The following SLC38A3 variants were observed in gnomAD, a reference collection of about 807,000 sequenced individuals.
The protein encoded by SLC38A3 is solute carrier family 38 member 3, also known as sodium-coupled neutral amino acid transporter 3.
A neutral mutation model predicts 59.5 loss-of-function variants in SLC38A3; 17 were observed. The ratio of observed to expected loss-of-function variants is 0.29; its 90% confidence interval spans 0.20 to 0.43. The LOEUF is 0.43. Among genes scored for constraint, SLC38A3 ranks in the 20% least tolerant of loss-of-function variants. The probability of loss-of-function intolerance (pLI) is 1.00; values close to 1 mark genes in which losing one functional copy is unlikely to be tolerated. For missense variants in SLC38A3, 454 were observed against 653.9 expected, an observed-to-expected ratio of 0.69 and a Z score of 3.33; for synonymous variants, 238 against 260.3, an observed-to-expected ratio of 0.91 and a Z score of 0.82.
chr3:50,215,695 G>C lies in SLC38A3; in HGVS notation c.467-45G>C. On this transcript the variant is annotated intron_variant, in intron 6 of 15. Transcript: ENST00000614032. This position sits in a 1 kb window ranked among gnomAD's most constrained non-coding sequence, Gnocchi z 7.1. ...GGTGGACAGCCCTGAAAGCTGGCTGGTTGGGCTGACCTCAGCGCCTGCCTG... is the reference window on the plus strand; with the variant it reads ...GGTGGACAGCCCTGAAAGCTGGCTGCTTGGGCTGACCTCAGCGCCTGCCTG... 6.2e-7 allele frequency: 1 copy of C among 1,610,006 alleles called. No individual in the cohort carries two copies. The highest frequency in any genetic ancestry group is 8.5e-7 in the Non-Finnish European group (1 of 1,177,636).
Position 50,214,580 on chromosome 3 carries a change from C to G in SLC38A3, c.184-73C>G, listed in dbSNP as rs558686936. 1.4e-6 allele frequency: 2 copies of G among 1,462,770 alleles called. No homozygotes were observed. Among genetic ancestry groups the G allele is most frequent in the Admixed American group, 3.9e-5 (2 of 51,610 alleles). The allele number at this position is 1,462,770 out of a possible 1,614,324, so 90.6% of individuals were successfully genotyped here. ...CAGCAGTGGGAGGCTGAGGGACAGT[C>G]AGGGGAAGGCTGCGATGCCCCTGTC... On this transcript the variant is annotated intron_variant, in intron 3 of 15. Transcript: ENST00000614032. This position sits in a 1 kb window ranked among gnomAD's most constrained non-coding sequence, Gnocchi z 6.0.
rs1156903724 is a variant in SLC38A3 at position 50,215,312 on chromosome 3, A to G, written c.300-74A>G. On this transcript the variant is annotated intron_variant, in intron 4 of 15. Transcript: ENST00000614032. This position sits in a 1 kb window ranked among gnomAD's most constrained non-coding sequence, Gnocchi z 7.1. ...GACCCTCCACCCCCAGGCCTCCCAG[A>G]GCCCCTCACCCTCTGCCAGCCACGG... The G allele has an allele frequency of 7.3e-7, 1 of 1,374,262 alleles. No individual in the cohort carries two copies. Among genetic ancestry groups the G allele is most frequent in the African/African-American group, 1.4e-5 (1 of 69,886 alleles). 85.1% of individuals were successfully genotyped at this position (1,374,262 alleles called of 1,614,324 possible).
rs1343890478 is a variant in SLC38A3 at position 50,214,978 on chromosome 3, C to T, written c.299+210C>T. 5.0e-6 allele frequency: 3 copies of T among 601,032 alleles called. No homozygotes were observed. Among genetic ancestry groups the T allele is most frequent in the South Asian group, 4.0e-5 (2 of 49,972 alleles). The allele number at this position is 601,032 out of a possible 1,614,324, so 37.2% of individuals were successfully genotyped here. A position where few individuals can be genotyped will look rare whatever the true frequency, so the allele number is the denominator to read the frequency against. ...AACCGACTGAGGTCACAACACAGGC[C>T]GGTCTTACAGGCCAGAGACTGTCCT... On this transcript the variant is annotated intron_variant, in intron 4 of 15. Transcript: ENST00000614032. This position sits in a 1 kb window ranked among gnomAD's most constrained non-coding sequence, Gnocchi z 6.0.
chr3:50,218,958 T>C lies in SLC38A3; in HGVS notation c.1306+10T>C, dbSNP rs778590683. ...ATCTTTGGGGTCATCGGTGAGGGTCTGGCCCTGCTGTGGAAGCAGGGTATT... is the reference window on the plus strand; with the variant it reads ...ATCTTTGGGGTCATCGGTGAGGGTCCGGCCCTGCTGTGGAAGCAGGGTATT... On this transcript the variant is annotated intron_variant, in intron 14 of 15. Transcript: ENST00000614032. This position sits in a 1 kb window ranked among gnomAD's most constrained non-coding sequence, Gnocchi z 5.8. 2 of 1,601,608 alleles carry C rather than the reference T, an allele frequency of 1.2e-6. No homozygotes were observed. The highest frequency in any genetic ancestry group is 1.7e-6 in the Non-Finnish European group (2 of 1,169,844).
In SLC38A3 at chr3:50,218,479, C is replaced by T. The variant is rs1316400735; in HGVS notation, c.1036+109C>T. On this transcript the variant is annotated intron_variant, in intron 12 of 15. Coordinates refer to ENST00000614032, the MANE Select transcript of SLC38A3 (RefSeq NM_006841.6). The surrounding 1 kb of genome is among the most constrained non-coding windows in gnomAD (Gnocchi z 5.8). ...CGTGTGGTGCCTGGCTGTGCCTTGC[C>T]GCTGTGGAGGTGAGTCTGCATGCCA... 1.9e-6 allele frequency: 3 copies of T among 1,562,160 alleles called. No individual in the cohort carries two copies. Among genetic ancestry groups the T allele is most frequent in the South Asian group, 1.1e-5 (1 of 89,456 alleles).
At chr3:50,209,715 A>G (rs13084362) in intron 1 of SLC38A3, among the ~76,000 whole-genome samples, 1 of 151,840 alleles carries the variant, frequency 6.6e-6, no homozygotes, top group Non-Finnish European at 1.5e-5. Context: ...TTCCGGCCCC[A>G]GCTGGGTCTC....
intron 14 of SLC38A3, among the ~76,000 whole-genome samples, 159 bp from the exon 15 acceptor site, chr3:50,219,722 G>A (rs1699869815): frequency 6.6e-6 from 1 of 152,226 alleles, no homozygotes; most frequent in African/African-American, 2.4e-5. Flanking sequence ...GGAGAACAAG[G>A]GGGAGAGGCT....
At position 50,220,298 on chromosome 3, in the gene SLC38A3, A is replaced by C. The variant is rs1699879657; in HGVS notation, c.*121A>C. ...AGACGCGATTAACACTGTGGCATTC[A>C]GCCAGGCCCCATGTCCTCTCTGTGG... On this transcript the variant is annotated 3_prime_UTR_variant, in exon 16 of 16. Transcript: ENST00000614032. 2 of 769,862 alleles carry C rather than the reference A, an allele frequency of 2.6e-6. No individual in the cohort carries two copies. The highest frequency in any genetic ancestry group is 4.3e-6 in the Non-Finnish European group (2 of 464,388). The allele number at this position is 769,862 out of a possible 1,614,324, so 47.7% of individuals were successfully genotyped here.
intron 1 of SLC38A3, among the ~76,000 whole-genome samples, chr3:50,206,296 G>A (rs1033314687): frequency 6.6e-6 from 1 of 152,270 alleles, no homozygotes; most frequent in African/African-American, 2.4e-5. Flanking sequence ...AGGCTCTTGA[G>A]CCCTGAGGAA....
At chr3:50,205,554 C>G (rs1314590583) in intron 1 of SLC38A3, among the ~76,000 whole-genome samples, 20 of 152,388 alleles carry the variant, frequency 1.3e-4, no homozygotes, top group Non-Finnish European at 2.9e-4. Context: ...CAGCGCCGAG[C>G]TTAAGCAGGG....
chr3:50,220,183 C>A lies in SLC38A3; in HGVS notation c.*6C>A, dbSNP rs779166796. 1.3e-5 allele frequency: 20 copies of A among 1,571,588 alleles called. No homozygotes were observed. The highest frequency in any genetic ancestry group is 1.7e-5 in the Non-Finnish European group (20 of 1,155,238). On this transcript the variant is annotated 3_prime_UTR_variant, in exon 16 of 16. Transcript: ENST00000614032. ...GGCATGGAGGAAACCACTAGGGTGA[C>A]CCTCATCCTGTTCTGTCTACTCACC...
chr3:50,214,330 G>T lies in SLC38A3; in HGVS notation c.101+30G>T. 3 of 1,611,922 alleles carry T rather than the reference G, an allele frequency of 1.9e-6. No individual in the cohort carries two copies. The highest frequency in any genetic ancestry group is 1.7e-6 in the Non-Finnish European group (2 of 1,178,470). On this transcript the variant is annotated intron_variant, in intron 2 of 15. Coordinates refer to ENST00000614032, the MANE Select transcript of SLC38A3 (RefSeq NM_006841.6). This position sits in a 1 kb window ranked among gnomAD's most constrained non-coding sequence, Gnocchi z 6.0. ...GTACCAGAGGGACCCAGTGGTGGCT[G>T]AAGACAGGGCAGGGCAGGGATACAG...
intron 1 of SLC38A3, among the ~76,000 whole-genome samples, chr3:50,212,442 G>A (rs2109152457): frequency 6.6e-6 from 1 of 152,328 alleles, no homozygotes; most frequent in South Asian, 2.1e-4. Context: ...AGGGGCATGA[G>A]GACATGTGGA....
intron 1 of SLC38A3, among the ~76,000 whole-genome samples, chr3:50,212,942 C>G (rs1298073001): frequency 6.6e-6 from 1 of 152,056 alleles, no homozygotes; most frequent in African/African-American, 2.4e-5. Flanking sequence ...AGGGCTGCCC[C>G]CCTCACTGGT....
At chr3:50,210,890 C>T (rs1699716653) in intron 1 of SLC38A3, among the ~76,000 whole-genome samples, 1 of 149,484 alleles carries the variant, frequency 6.7e-6, no homozygotes, top group African/African-American at 2.5e-5. Context: ...ACCGTGATCT[C>T]CCCACCCTAG....
At chr3:50,209,375 G>A (rs188819362) in intron 1 of SLC38A3, among the ~76,000 whole-genome samples, 6 of 152,308 alleles carry the variant, frequency 3.9e-5, no homozygotes, top group East Asian at 1.9e-4. Flanking sequence ...ATGGCCGGGC[G>A]CAGTGGCTCA....
intron 1 of SLC38A3, among the ~76,000 whole-genome samples, chr3:50,205,674 T>C (rs1053975871): frequency 2.0e-5 from 3 of 152,074 alleles, no homozygotes; most frequent in Admixed American, 6.5e-5. Flanking sequence ...GGACGCCTTG[T>C]TGGGGGCTCG....
intron 1 of SLC38A3, among the ~76,000 whole-genome samples, chr3:50,208,538 C>T (rs1057480068): frequency 6.6e-6 from 1 of 152,234 alleles, no homozygotes; most frequent in African/African-American, 2.4e-5. Flanking sequence ...GCTGGGATTA[C>T]AGGCGTGAGC....
rs368972568 is a variant in SLC38A3, at chr3:50,218,253, C to G, written c.936-17C>G. On this transcript the variant is annotated splice_polypyrimidine_tract_variant and intron_variant, in intron 11 of 15. Coordinates refer to ENST00000614032, the MANE Select transcript of SLC38A3 (RefSeq NM_006841.6). The surrounding 1 kb of genome is among the most constrained non-coding windows in gnomAD (Gnocchi z 5.8). Reference sequence around the variant, plus strand: ...ACCCAGCTTGTCACCAACACCCACCCCCCCACTTCCCCACAGCCCCTCCAA... The same window carrying G: ...ACCCAGCTTGTCACCAACACCCACCGCCCCACTTCCCCACAGCCCCTCCAA... The G allele has an allele frequency of 1.3e-6, 2 of 1,499,894 alleles. No homozygotes were observed. The highest frequency in any genetic ancestry group is 2.7e-5 in the African/African-American group (2 of 72,790). 92.9% of individuals were successfully genotyped at this position (1,499,894 alleles called of 1,614,324 possible).
Sources: gnomAD v4.1 joint callset for allele counts (sites outside exome capture counted in the v4.1 genomes callset) on GRCh38, gnomAD v4.1.1 for gene constraint, Gnocchi (gnomAD v3.1) non-coding constraint, MANE v1.5 for transcripts, NCBI Gene and HGNC (gene_info 2026-07-23, HGNC 2026-07-21) for gene names.